Variants in PSD2 observed in about 807,000 individuals in gnomAD.
The protein encoded by PSD2 is PH and SEC7 domain-containing protein 2.
PSD2 carries 38 observed loss-of-function variants against 69.8 expected under a neutral mutation model. The observed-to-expected ratio is 0.54, with a 90% CI of 0.42 to 0.71. The LOEUF (loss-of-function observed/expected upper bound fraction) is 0.71, where lower values mean the gene tolerates loss of function less well. PSD2 is among the 30% of genes least tolerant of loss of function. The pLI, the probability that PSD2 is intolerant of heterozygous loss-of-function variation, is 0.00. For synonymous variants in PSD2, 412 were observed against 423.0 expected (o/e 0.97, Z 0.32); for missense variants, 943 against 1,014.5 (o/e 0.93, Z 0.96).
the PSD2 span, among the ~76,000 whole-genome samples, chr5:139,750,796 C>A: frequency 2.0e-5 from 3 of 152,208 alleles, no homozygotes; most frequent in Non-Finnish European, 4.4e-5. Flanking sequence ...GAGGCTGAAG[C>A]CCATTCTGGG....
chr5:139,790,982 TG>T (rs1209729860), upstream of PSD2, among the ~76,000 whole-genome samples: 2 of 150,784 alleles, frequency 1.3e-5, no homozygotes, highest in African/African-American at 4.9e-5. Context: ...ACCCAGGAGG[TG>T]GGGGGTGCAG....
intron 5 of PSD2, among the ~76,000 whole-genome samples, chr5:139,818,313 GGCT>G (rs1760175694): frequency 6.6e-6 from 1 of 152,212 alleles, no homozygotes; most frequent in Non-Finnish European, 1.5e-5. Flanking sequence ...GGGAGGCCGA[GGCT>G]GGAAGATTAC....
chr5:139,748,326 C>G, the PSD2 span, among the ~76,000 whole-genome samples: 2 of 152,180 alleles, frequency 1.3e-5, no homozygotes, highest in African/African-American at 4.8e-5. Context: ...CCGCTATGTG[C>G]CTAAAATACA....
the PSD2 span, among the ~76,000 whole-genome samples, chr5:139,778,626 T>G: frequency 1.3e-5 from 2 of 152,294 alleles, no homozygotes; most frequent in South Asian, 4.1e-4. Context: ...TTTATTTTCT[T>G]AGGATAAATC....
At chr5:139,789,719 G>C in the PSD2 span, among the ~76,000 whole-genome samples, 1 of 152,204 alleles carries the variant, frequency 6.6e-6, no homozygotes, top group Non-Finnish European at 1.5e-5. Context: ...ACAAGGGAGA[G>C]AGGAAAATTC....
chr5:139,839,954 G>T lies in PSD2; in HGVS notation c.1969-73G>T. The T allele has an allele frequency of 6.5e-7, 1 of 1,549,590 alleles. No homozygotes were observed. The highest frequency in any genetic ancestry group is 8.9e-7 in the Non-Finnish European group (1 of 1,129,056). ...ATTTCCCTTTGGTGGAGCAGCTCCT[G>T]GTAGAACAGGATTTGAGCCACTCCG... On this transcript the variant is annotated intron_variant, in intron 13 of 14. Coordinates refer to ENST00000274710, the MANE Select transcript of PSD2 (RefSeq NM_032289.4). The surrounding 1 kb of genome is among the most constrained non-coding windows in gnomAD (Gnocchi z 5.1).
the PSD2 span, among the ~76,000 whole-genome samples, chr5:139,769,771 A>G: frequency 6.6e-6 from 1 of 152,014 alleles, no homozygotes; most frequent in Admixed American, 6.5e-5. Context: ...TGATGGTGGC[A>G]GTGGGGGGCA....
At chr5:139,754,573 T>A in the PSD2 span, among the ~76,000 whole-genome samples, 1 of 152,108 alleles carries the variant, frequency 6.6e-6, no homozygotes, top group Non-Finnish European at 1.5e-5. Context: ...GGTGCGTGTC[T>A]GTGGTCCTAG....
chr5:139,748,894 C>T, the PSD2 span, among the ~76,000 whole-genome samples: 1 of 149,020 alleles, frequency 6.7e-6, no homozygotes, highest in African/African-American at 2.5e-5. Flanking sequence ...TTTCTAGGAG[C>T]CCTGGGGTAT....
intron 2 of PSD2, among the ~76,000 whole-genome samples, chr5:139,811,845 G>A (rs1014049092): frequency 3.9e-5 from 6 of 152,002 alleles, no homozygotes; most frequent in African/African-American, 1.2e-4. Context: ...CACCTGTCTC[G>A]GCCTCCCAAA....
rs751274489 is a variant in PSD2, at chr5:139,809,619, C to T, written c.179C>T (p.Pro60Leu). 6.2e-7 allele frequency: 1 copy of T among 1,614,268 alleles called. No individual in the cohort carries two copies. The highest frequency in any genetic ancestry group is 1.1e-5 in the South Asian group (1 of 91,088). ...GGCACCCCAGCGGACACTGAGGAAC[C>T]CACGAAGGACCCAGATGTGGCCTTC... ...RRGTPADTEE[P>L]TKDPDVAFHG... The change falls in exon 2 of 15, where the codon CCC (proline) becomes CTC (leucine). Residue 60 changes from proline to leucine, a missense_variant. Coordinates refer to ENST00000274710, the MANE Select transcript of PSD2 (RefSeq NM_032289.4).
the PSD2 span, among the ~76,000 whole-genome samples, chr5:139,754,821 G>A: frequency 6.6e-6 from 1 of 152,176 alleles, no homozygotes; most frequent in African/African-American, 2.4e-5. Context: ...AAGCTGCAGT[G>A]AGCTGTGATT....
At chr5:139,766,965 CTT>C in the PSD2 span, among the ~76,000 whole-genome samples, 1 of 138,236 alleles carries the variant, frequency 7.2e-6, no homozygotes, top group Non-Finnish European at 1.6e-5. Flanking sequence ...TTCTTTCTTT[CTT>C]TCTTTCTTTC....
the PSD2 span, among the ~76,000 whole-genome samples, chr5:139,762,027 A>G: frequency 0.011 from 1,727 of 152,316 alleles, 26 homozygotes; most frequent in South Asian, 0.03. Context: ...GTAAGCATTC[A>G]ATAATTTTTA....
In PSD2 at chr5:139,838,781, T is replaced by G. The variant is rs1328724408; in HGVS notation, c.1968+9T>G. The G allele has an allele frequency of 6.2e-7, 1 of 1,606,684 alleles. No individual in the cohort carries two copies. The highest frequency in any genetic ancestry group is 1.7e-5 in the Admixed American group (1 of 59,860). Reference sequence around the variant, plus strand: ...CCACCCGCCTCTGCCAGGTACATGTTCCTGGGTCAACATTTTGCCTCCCCA... The same window carrying G: ...CCACCCGCCTCTGCCAGGTACATGTGCCTGGGTCAACATTTTGCCTCCCCA... On this transcript the variant is annotated intron_variant, in intron 13 of 14. Coordinates refer to ENST00000274710, the MANE Select transcript of PSD2 (RefSeq NM_032289.4).
At chr5:139,801,445 C>T (rs1248796901) in intron 1 of PSD2, among the ~76,000 whole-genome samples, 1 of 152,100 alleles carries the variant, frequency 6.6e-6, no homozygotes, top group Non-Finnish European at 1.5e-5. Context: ...CTTGAAATAC[C>T]TTCCTTGGCT....
At chr5:139,743,751 C>T in the PSD2 span, 4 of 152,352 alleles carry the variant, frequency 2.6e-5, no homozygotes, top group Non-Finnish European at 4.4e-5. Context: ...TGGCTGAAAT[C>T]CCCTGGACTG....
At chr5:139,792,125 A>G (rs1306348519), upstream of PSD2, among the ~76,000 whole-genome samples, 1 of 150,422 alleles carries the variant, frequency 6.6e-6, no homozygotes, top group Non-Finnish European at 1.5e-5. Context: ...AGGAGAGGGG[A>G]CATAGAATAG....
At position 139,842,533 on chromosome 5, in the gene PSD2, C is replaced by G; in HGVS notation, c.*59C>G. 1.3e-6 allele frequency: 2 copies of G among 1,508,764 alleles called. No individual in the cohort carries two copies. Among genetic ancestry groups the G allele is most frequent in the Non-Finnish European group, 1.8e-6 (2 of 1,093,928 alleles). 93.5% of individuals were successfully genotyped at this position (1,508,764 alleles called of 1,614,324 possible). ...ATGTCTCCAGTGGGGTCAGTGAGCA[C>G]AATTCCAGCCAGGGGCCACTTGGAC... On this transcript the variant is annotated 3_prime_UTR_variant, in exon 15 of 15. Transcript: ENST00000274710.
Sources: allele counts gnomAD v4.1 joint callset (sites outside exome capture counted in the v4.1 genomes callset), GRCh38; gene constraint gnomAD v4.1.1; non-coding constraint Gnocchi (gnomAD v3.1); transcripts MANE v1.5; gene names NCBI Gene and HGNC (gene_info 2026-07-23, HGNC 2026-07-21).